Variants in SRRM4 observed in about 807,000 individuals in gnomAD.
SRRM4 encodes serine/arginine repetitive matrix 4.
SRRM4 carries 33 observed loss-of-function variants against 68.9 expected under a neutral mutation model. That is an observed-to-expected ratio of 0.48 (90% CI 0.36 to 0.64). The LOEUF (loss-of-function observed/expected upper bound fraction) is 0.64. Among genes scored for constraint, SRRM4 ranks in the 30% least tolerant of loss-of-function variants. The probability of loss-of-function intolerance (pLI) is 0.00; values close to 1 mark genes in which losing one functional copy is unlikely to be tolerated. For synonymous variants in SRRM4, 318 were observed against 318.8 expected, an observed-to-expected ratio of 1.00 and a Z score of 0.03; for missense variants, 817 against 827.1, an observed-to-expected ratio of 0.99 and a Z score of 0.15.
intron 8 of SRRM4, among the ~76,000 whole-genome samples, chr12:119,140,323 A>G (rs1376814719): frequency 6.6e-6 from 1 of 151,372 alleles, no homozygotes. Flanking sequence ...GGCTGCAGTG[A>G]GCGGAGATCA....
intron 1 of SRRM4, among the ~76,000 whole-genome samples, chr12:119,003,698 G>A (rs559812830): frequency 2.4e-4 from 36 of 152,030 alleles, no homozygotes; most frequent in South Asian, 4.2e-4. Context: ...GTCACCCCCA[G>A]CTCCCCCAGG....
intron 1 of SRRM4, among the ~76,000 whole-genome samples, chr12:119,006,922 C>G (rs899500308): frequency 6.6e-6 from 1 of 152,202 alleles, no homozygotes; most frequent in Non-Finnish European, 1.5e-5. Context: ...TGGGCTGCTC[C>G]GAGCTGTGTG....
chr12:119,049,117 C>T (rs1325373279), intron 1 of SRRM4, among the ~76,000 whole-genome samples: 3 of 152,130 alleles, frequency 2.0e-5, no homozygotes, highest in Admixed American at 2.0e-4. Flanking sequence ...GACAGATACA[C>T]AAGTAAATAC....
intron 8 of SRRM4, among the ~76,000 whole-genome samples, chr12:119,140,292 C>T (rs1848642792): frequency 6.6e-6 from 1 of 151,584 alleles, no homozygotes. Context: ...GCAGGAGAAT[C>T]GCTTGAACCC....
At chr12:119,021,140 G>C (rs574488140) in intron 1 of SRRM4, among the ~76,000 whole-genome samples, 1 of 152,206 alleles carries the variant, frequency 6.6e-6, no homozygotes, top group African/African-American at 2.4e-5. Context: ...TGTGAGAAGG[G>C]TGAGGGGGTG....
At chr12:119,080,888 C>T (rs1953943700) in intron 1 of SRRM4, among the ~76,000 whole-genome samples, 1 of 152,118 alleles carries the variant, frequency 6.6e-6, no homozygotes, top group Non-Finnish European at 1.5e-5. Context: ...TAACATAGCC[C>T]CATGCATAAA....
At chr12:119,020,149 G>A (rs1482967394) in intron 1 of SRRM4, among the ~76,000 whole-genome samples, 4 of 151,974 alleles carry the variant, frequency 2.6e-5, no homozygotes, top group African/African-American at 9.7e-5. Context: ...TGCACCACCA[G>A]GGTGGTGGTG....
Position 119,145,527 on chromosome 12 carries a change from C to T in SRRM4, c.918C>T (p.Gly306=), listed in dbSNP as rs1471942652. ...STQTSSARSR[G]QEKGSPSGGL... is the part of the protein sequence containing the mutation. ...AAACCAGCTCAGCCAGGTCTCGGGGCCAGGAGAAGGGGAGCCCCAGTGGGG... is the reference window on the plus strand; with the variant it reads ...AAACCAGCTCAGCCAGGTCTCGGGGTCAGGAGAAGGGGAGCCCCAGTGGGG... The change falls in exon 9 of 13, where the codon GGC becomes GGT. Residue 306 remains glycine, a synonymous_variant. Transcript: ENST00000267260. 5 of 1,608,474 alleles carry T rather than the reference C, an allele frequency of 3.1e-6. No individual in the cohort carries two copies. Among genetic ancestry groups the T allele is most frequent in the Non-Finnish European group, 3.4e-6 (4 of 1,176,842 alleles).
At chr12:119,138,561 G>A (rs1356574529) in intron 8 of SRRM4, among the ~76,000 whole-genome samples, 4 of 152,156 alleles carry the variant, frequency 2.6e-5, no homozygotes, top group Admixed American at 2.0e-4. Context: ...CTCCTTGGTT[G>A]AGGTTAACTC....
At chr12:119,151,486 A>T (rs1223060207) in intron 10 of SRRM4, among the ~76,000 whole-genome samples, 3 of 152,244 alleles carry the variant, frequency 2.0e-5, no homozygotes, top group African/African-American at 7.2e-5. Flanking sequence ...TACACAGAAC[A>T]TAATGAATAT....
At chr12:119,043,807 C>CACACACACACACAA (rs1491405363) in intron 1 of SRRM4, among the ~76,000 whole-genome samples, 5 of 151,430 alleles carry the variant, frequency 3.3e-5, no homozygotes, top group Admixed American at 6.6e-5. Flanking sequence ...CACACACACA[C>CACACACACACACAA]AAGTCTTGGG....
chr12:118,985,964 A>G (rs1250006013), intron 1 of SRRM4, among the ~76,000 whole-genome samples: 1 of 152,240 alleles, frequency 6.6e-6, no homozygotes, highest in Non-Finnish European at 1.5e-5. Flanking sequence ...TTTCCTTACA[A>G]TTCTTTTAGC....
intron 1 of SRRM4, among the ~76,000 whole-genome samples, chr12:119,097,240 G>C (rs1954051648): frequency 6.6e-6 from 1 of 152,248 alleles, no homozygotes; most frequent in Non-Finnish European, 1.5e-5. Flanking sequence ...TGGAGGTAGG[G>C]AAGGGAGATA....
chr12:119,126,407 T>C (rs1245857995), intron 7 of SRRM4, among the ~76,000 whole-genome samples: 4 of 152,158 alleles, frequency 2.6e-5, no homozygotes, highest in Non-Finnish European at 5.9e-5. Context: ...ATTTTAAATA[T>C]GAGAAAACTG....
chr12:119,086,476 C>T (rs1274838025), intron 1 of SRRM4, among the ~76,000 whole-genome samples: 2 of 152,172 alleles, frequency 1.3e-5, no homozygotes, highest in African/African-American at 4.8e-5. Flanking sequence ...TGGAACCAAG[C>T]CATAGCCATG....
At chr12:119,065,595 C>A (rs777241353) in intron 1 of SRRM4, among the ~76,000 whole-genome samples, 1 of 152,002 alleles carries the variant, frequency 6.6e-6, no homozygotes, top group Non-Finnish European at 1.5e-5. Flanking sequence ...ATTAGCCCGG[C>A]GTGGTGGCAA....
At position 119,101,919 on chromosome 12, in the gene SRRM4, AT is replaced by A. The variant is rs374745210; in HGVS notation, c.132-314del. Among the ~76,000 whole-genome samples the A allele has an allele frequency of 1.7e-3, 259 of 152,302 alleles. 1 individual carries two copies. The highest frequency in any genetic ancestry group is 5.5e-3 in the African/African-American group (230 of 41,586). On this transcript the variant is annotated intron_variant, in intron 1 of 12. Coordinates refer to ENST00000267260, the MANE Select transcript of SRRM4 (RefSeq NM_194286.4). ...AAAGTGGTTTAACCTAATTTCAGTT[AT>A]TTCTCTCTTGCAAAGTCTGATGTGG...
In SRRM4 at chr12:119,151,199, G is replaced by A. The variant is rs202169854; in HGVS notation, c.1259G>A (p.Arg420Gln). 2.9e-5 allele frequency: 47 copies of A among 1,613,968 alleles called. No homozygotes were observed. The East Asian group carries it at 3.1e-4, about 11-fold the overall frequency. Residue 420 changes from arginine to glutamine, a missense_variant, in exon 10 of 13, where the codon CGA becomes CAA. Transcript: ENST00000267260. The stretch of plus-strand genomic sequence containing the variant: ...GCTTCCCCCAGGTACACCCAAAGCC[G>A]ATCCACCTCTTCTGAAAAAAGGTGA... ...PRASPRYTQS[R>Q]STSSEKRSYS... is the part of the protein sequence containing the mutation.
At chr12:119,137,033 C>G (rs1436451826) in intron 8 of SRRM4, among the ~76,000 whole-genome samples, 1 of 151,974 alleles carries the variant, frequency 6.6e-6, no homozygotes, top group Admixed American at 6.6e-5. Context: ...TGCTGTCTTC[C>G]TAATTAGTGC....
Sources: allele counts gnomAD v4.1 joint callset (sites outside exome capture counted in the v4.1 genomes callset), GRCh38; gene constraint gnomAD v4.1.1; transcripts MANE v1.5; gene names NCBI Gene and HGNC (gene_info 2026-07-23, HGNC 2026-07-21).